The following FSD1L variants were observed in gnomAD, a reference collection of about 807,000 sequenced individuals.
FSD1L encodes FSD1-like protein.
Under a neutral mutation model 71.6 loss-of-function variants are expected in FSD1L, and 45 were observed. The ratio of observed to expected loss-of-function variants is 0.63; its 90% confidence interval spans 0.49 to 0.81. The LOEUF (loss-of-function observed/expected upper bound fraction) is 0.81. Ranked by LOEUF, FSD1L falls within the 30% of genes least tolerant of loss-of-function variation. The pLI, the probability that FSD1L is intolerant of heterozygous loss-of-function variation, is 0.00. For synonymous variants in FSD1L, 197 were observed against 207.2 expected (o/e 0.95, Z 0.42); for missense variants, 561 against 618.1 (o/e 0.91, Z 0.98).
chr9:105,508,790 A>G, intron 9 of FSD1L, 75 bp downstream of exon 9: 1 of 855,694 alleles, frequency 1.2e-6, no homozygotes, highest in South Asian at 1.7e-5. Context: ...TGTAACAGGA[A>G]GCACTTCATG....
At chr9:105,512,460 T>A (rs1387974601) in intron 9 of FSD1L, among the ~76,000 whole-genome samples, 2 of 152,120 alleles carry the variant, frequency 1.3e-5, no homozygotes, top group Non-Finnish European at 2.9e-5. Context: ...CCCCTTCCTA[T>A]TTAGTCATAA....
At chr9:105,545,137 T>TAAG (rs1589121133) in intron 13 of FSD1L, among the ~76,000 whole-genome samples, 2 of 151,844 alleles carry the variant, frequency 1.3e-5, no homozygotes, top group East Asian at 3.9e-4. Flanking sequence ...TGAAGAGGTC[T>TAAG]TTCACATCCC....
chr9:105,539,337 C>A lies in FSD1L; in HGVS notation c.1453C>A (p.Leu485Ile). The A allele has an allele frequency of 6.8e-7, 1 of 1,465,306 alleles. No homozygotes were observed. 90.8% of individuals were successfully genotyped at this position (1,465,306 alleles called of 1,614,324 possible). A position where few individuals can be genotyped will look rare whatever the true frequency, so the allele number is the denominator to read the frequency against. Residue 485 changes from leucine (L) to isoleucine (I), a missense_variant, in exon 13 of 14, where the codon CTA becomes ATA. Leu to Ile is a conservative substitution (Grantham distance 5). Coordinates refer to ENST00000481272, the MANE Select transcript of FSD1L (RefSeq NM_001145313.3). ...TAAGACAAAATTTACTCAGCCAGTACTACCTGGTTTCATGGTTAGTATGTT... is the reference window on the plus strand; with the variant it reads ...TAAGACAAAATTTACTCAGCCAGTAATACCTGGTTTCATGGTTAGTATGTT... ...SFKTKFTQPV[L>I]PGFMVWCGGL...
At chr9:105,459,976 T>C (rs553403754) in intron 1 of FSD1L, among the ~76,000 whole-genome samples, 1 of 152,350 alleles carries the variant, frequency 6.6e-6, no homozygotes, top group Non-Finnish European at 1.5e-5. Context: ...TATTACAGAC[T>C]CTCATGCTGT....
rs1564073224 is a variant in FSD1L, at chr9:105,452,660, TG to T, written c.15+4426del. Among the ~76,000 whole-genome samples, 235 of 130,308 alleles carry T rather than the reference TG, an allele frequency of 1.8e-3. 1 individual carries two copies. The highest frequency in any genetic ancestry group is 5.6e-3 in the African/African-American group (199 of 35,252). 85.5% of individuals were successfully genotyped at this position (130,308 alleles called of 152,430 possible). A position where few individuals can be genotyped will look rare whatever the true frequency, so the allele number is the denominator to read the frequency against. Reference sequence around the variant, plus strand: ...CTGCCTGCCTGCCTGCCTGCCTGCCTGCCTGCCTGCCTTCCTTCCTTCCTTC... The same window carrying T: ...CTGCCTGCCTGCCTGCCTGCCTGCCTCCTGCCTGCCTTCCTTCCTTCCTTC... On this transcript the variant is annotated intron_variant, in intron 1 of 13. Transcript: ENST00000481272.
chr9:105,549,073 A>G lies in FSD1L; in HGVS notation c.*2590A>G, dbSNP rs1256187445. The G allele has an allele frequency of 3.9e-5, 6 of 152,092 alleles. No homozygotes were observed. The highest frequency in any genetic ancestry group is 8.8e-5 in the Non-Finnish European group (6 of 67,954). The allele number at this position is 152,092 out of a possible 1,614,324, so 9.4% of individuals were successfully genotyped here. ...TGAGCTCTTGATTACAATTTAATAC[A>G]TTGTAAAAAGTATTAAATCCTTTGA... On this transcript the variant is annotated 3_prime_UTR_variant, in exon 14 of 14. Coordinates refer to ENST00000481272, the MANE Select transcript of FSD1L (RefSeq NM_001145313.3).
intron 12 of FSD1L, among the ~76,000 whole-genome samples, chr9:105,538,307 A>G (rs1487750364): frequency 2.0e-5 from 3 of 152,200 alleles, no homozygotes; most frequent in Non-Finnish European, 2.9e-5. Flanking sequence ...TACATACATT[A>G]CCTCAAAATA....
chr9:105,448,177 G>A lies in FSD1L; in HGVS notation c.-44G>A. 1.3e-6 allele frequency: 2 copies of A among 1,540,886 alleles called. No homozygotes were observed. The highest frequency in any genetic ancestry group is 1.8e-6 in the Non-Finnish European group (2 of 1,141,122). ...CGATCTCGCTGAGCCTCCTCACACGGTTCGTCGTCTCGGGTTCGAGCCCAG... is the reference window on the plus strand; with the variant it reads ...CGATCTCGCTGAGCCTCCTCACACGATTCGTCGTCTCGGGTTCGAGCCCAG... On this transcript the variant is annotated 5_prime_UTR_variant, in exon 1 of 14. Transcript: ENST00000481272.
At position 105,508,420 on chromosome 9, in the gene FSD1L, G is replaced by A. The variant is rs181112592; in HGVS notation, c.797-197G>A. ...TCTGTATCTCCTGACCTTGTGATCC[G>A]CCCACCTGGGCCTTCCAAAGTGCTG... On this transcript the variant is annotated intron_variant, in intron 8 of 13. Coordinates refer to ENST00000481272, the MANE Select transcript of FSD1L (RefSeq NM_001145313.3). Among the ~76,000 whole-genome samples the A allele has an allele frequency of 3.0e-3, 440 of 148,890 alleles. 3 individuals are homozygous for A. The highest frequency in any genetic ancestry group is 0.012 in the Middle Eastern group (3 of 254).
intron 13 of FSD1L, among the ~76,000 whole-genome samples, chr9:105,541,949 G>A (rs1442898452): frequency 1.3e-5 from 2 of 152,166 alleles, no homozygotes; most frequent in African/African-American, 4.8e-5. Context: ...TGTGGTGTCA[G>A]TATTCTCCTT....
At chr9:105,457,750 G>T (rs1037142040) in intron 1 of FSD1L, among the ~76,000 whole-genome samples, 1 of 152,226 alleles carries the variant, frequency 6.6e-6, no homozygotes, top group African/African-American at 2.4e-5. Flanking sequence ...GGCGAGCCAG[G>T]CATGGAGCAG....
intron 7 of FSD1L, among the ~76,000 whole-genome samples, chr9:105,504,333 T>C (rs754415322): frequency 1.3e-5 from 2 of 152,168 alleles, no homozygotes; most frequent in Non-Finnish European, 2.9e-5. Context: ...GCTTTTTTGG[T>C]TGTCAGTTGT....
chr9:105,523,047 G>A (rs535106940), intron 10 of FSD1L: 24 of 1,614,048 alleles, frequency 1.5e-5, no homozygotes, highest in African/African-American at 4.0e-5. Context: ...CTTTGGAGCC[G>A]ACACTGGGGT....
chr9:105,528,952 C>T (rs955644923), intron 10 of FSD1L, among the ~76,000 whole-genome samples: 1 of 152,094 alleles, frequency 6.6e-6, no homozygotes. Flanking sequence ...ACAACCCCAT[C>T]GAAAAGTGGG....
chr9:105,523,948 T>TAGA lies in FSD1L; in HGVS notation c.1026-10542_1026-10540dup, dbSNP rs370888822. ...TCAGCTTTTCTCAATGCACCAAGAG[T>TAGA]AGAAGCACAAGTTCTTCTGGGATCT... On this transcript the variant is annotated intron_variant, in intron 10 of 13. Coordinates refer to ENST00000481272, the MANE Select transcript of FSD1L (RefSeq NM_001145313.3). 9.4e-6 allele frequency: 15 copies of TAGA among 1,590,052 alleles called. No individual in the cohort carries two copies. The African/African-American group carries it at 1.7e-4, about 18-fold the overall frequency.
chr9:105,505,292 G>A (rs1330220723), intron 7 of FSD1L, among the ~76,000 whole-genome samples: 2 of 152,064 alleles, frequency 1.3e-5, no homozygotes, highest in Admixed American at 1.3e-4. Context: ...ACGGAGTCTC[G>A]CTCTGTTGCC....
rs138682549 is a variant in FSD1L, at chr9:105,524,442, G to A, written c.1026-10051G>A. 1.6e-3 allele frequency: 2,653 copies of A among 1,613,382 alleles called. 43 individuals carry two copies. The African/African-American group carries it at 0.032, about 19-fold the overall frequency. On this transcript the variant is annotated intron_variant, in intron 10 of 13. Transcript: ENST00000481272. ...AGTATCTTTACTTCTCTGCCTTCTG[G>A]ACTGGATCATGGCCTTACCTCTAAA...
chr9:105,523,922 T>C, intron 10 of FSD1L: 1 of 1,590,876 alleles, frequency 6.3e-7, no homozygotes, highest in Non-Finnish European at 8.6e-7. Context: ...GAGTGGCTTC[T>C]TCAGCTTTTC....
intron 7 of FSD1L, among the ~76,000 whole-genome samples, chr9:105,485,804 T>C (rs143112008): frequency 0.034 from 5,219 of 152,006 alleles, 326 homozygotes; most frequent in African/African-American, 0.12. Flanking sequence ...TCACCAAGCC[T>C]GGCTAATTTT....
Sources: allele counts gnomAD v4.1 joint callset (sites outside exome capture counted in the v4.1 genomes callset), GRCh38; gene constraint gnomAD v4.1.1; transcripts MANE v1.5; gene names NCBI Gene and HGNC (gene_info 2026-07-23, HGNC 2026-07-21).